The following PPP1R12B variants were observed in gnomAD, a reference collection of about 807,000 sequenced individuals.
The protein encoded by PPP1R12B is myosin phosphatase target subunit 2.
A neutral mutation model predicts 126.1 loss-of-function variants in PPP1R12B; 76 were observed. That is an observed-to-expected ratio of 0.60 (90% CI 0.50 to 0.73). The LOEUF (loss-of-function observed/expected upper bound fraction) is 0.73. Among genes scored for constraint, PPP1R12B ranks in the 30% least tolerant of loss-of-function variants. The probability of loss-of-function intolerance (pLI) is 0.00; values close to 1 mark genes in which losing one functional copy is unlikely to be tolerated. For synonymous variants in PPP1R12B, 356 were observed against 434.7 expected, an observed-to-expected ratio of 0.82 and a Z score of 2.25; for missense variants, 1,052 against 1,205.1, an observed-to-expected ratio of 0.87 and a Z score of 1.88.
intron 7 of PPP1R12B, among the ~76,000 whole-genome samples, 188 bp from the exon 8 acceptor site, chr1:202,431,292 C>T (rs1245264474): frequency 2.0e-5 from 3 of 152,124 alleles, no homozygotes; most frequent in African/African-American, 4.8e-5. Flanking sequence ...TTTCCTTGAG[C>T]CATACTCTGT....
At chr1:202,474,897 C>A (rs1676445344) in intron 13 of PPP1R12B, among the ~76,000 whole-genome samples, 1 of 152,028 alleles carries the variant, frequency 6.6e-6, no homozygotes, top group African/African-American at 2.4e-5. Flanking sequence ...AAGAAAGTAA[C>A]CTATGAAATA....
Position 202,452,190 on chromosome 1 carries a change from A to G in PPP1R12B, c.1850+3019A>G, listed in dbSNP as rs888264387. Among the ~76,000 whole-genome samples the G allele has an allele frequency of 5.3e-5, 8 of 152,282 alleles. No homozygotes were observed. In the South Asian group the frequency reaches 1.0e-3, roughly 20 times the overall value. On this transcript the variant is annotated intron_variant, in intron 13 of 23. Coordinates refer to ENST00000608999, the MANE Select transcript of PPP1R12B (RefSeq NM_002481.4). ...TGCAATCTCGGCACTTTGGGAGGCCAAGGCAGGCAGCTGGGAGGTGGAGGT... is the reference window on the plus strand; with the variant it reads ...TGCAATCTCGGCACTTTGGGAGGCCGAGGCAGGCAGCTGGGAGGTGGAGGT...
chr1:202,469,907 G>A (rs1050013658), intron 13 of PPP1R12B, among the ~76,000 whole-genome samples: 1 of 152,156 alleles, frequency 6.6e-6, no homozygotes. Context: ...CAAATTTTGT[G>A]TATACGTAAG....
At chr1:202,409,856 ATC>A (rs1239928308) in intron 1 of PPP1R12B, among the ~76,000 whole-genome samples, 2 of 152,028 alleles carry the variant, frequency 1.3e-5, no homozygotes, top group Non-Finnish European at 2.9e-5. Flanking sequence ...ATGAGGTGCT[ATC>A]TCATTGTAGT....
chr1:202,395,566 T>C (rs1012624801), intron 1 of PPP1R12B, among the ~76,000 whole-genome samples: 9 of 152,202 alleles, frequency 5.9e-5, no homozygotes, highest in Non-Finnish European at 8.8e-5. Context: ...TCCACAGTTA[T>C]ACCCACGACA....
At chr1:202,350,513 A>T (rs559701960) in intron 1 of PPP1R12B, among the ~76,000 whole-genome samples, 7 of 152,252 alleles carry the variant, frequency 4.6e-5, no homozygotes, top group Non-Finnish European at 7.3e-5. Context: ...ATCTCACTTA[A>T]TAAGGAGCTG....
intron 1 of PPP1R12B, among the ~76,000 whole-genome samples, chr1:202,412,722 A>C (rs1451708924): frequency 6.6e-6 from 1 of 152,182 alleles, no homozygotes; most frequent in Non-Finnish European, 1.5e-5. Context: ...TTTTTAGCAC[A>C]ACCTTTAAAA....
chr1:202,577,390 A>G (rs989665122), intron 23 of PPP1R12B: 4 of 152,230 alleles, frequency 2.6e-5, no homozygotes, highest in African/African-American at 9.6e-5. Flanking sequence ...TGTTATGTCT[A>G]TGGGTGCTTT....
intron 2 of PPP1R12B, among the ~76,000 whole-genome samples, chr1:202,417,824 T>G (rs1571916324): frequency 6.6e-6 from 1 of 152,350 alleles, no homozygotes; most frequent in East Asian, 1.9e-4. Flanking sequence ...GAGAATTTTG[T>G]TGGCAGCTGT....
rs1294488978 is a variant in PPP1R12B, at chr1:202,590,880, GA to G, written c.*10321del. ...CAGAAAGCAGCAAATCAAGTCCTTA[GA>G]TGGGCAGGAGTCAGGGCAGAAGGGT... On this transcript the variant is annotated 3_prime_UTR_variant, in exon 24 of 24. Coordinates refer to ENST00000608999, the MANE Select transcript of PPP1R12B (RefSeq NM_002481.4). The G allele has an allele frequency of 6.6e-6, 1 of 152,136 alleles. No homozygotes were observed. Among genetic ancestry groups the G allele is most frequent in the Admixed American group, 6.5e-5 (1 of 15,282 alleles). The allele number at this position is 152,136 out of a possible 1,614,324, so 9.4% of individuals were successfully genotyped here.
intron 1 of PPP1R12B, among the ~76,000 whole-genome samples, chr1:202,390,825 G>A (rs1274358314): frequency 6.6e-6 from 1 of 152,156 alleles, no homozygotes. Flanking sequence ...TGACACTATC[G>A]AGAAAGCAGG....
chr1:202,367,039 A>T (rs1659362156), intron 1 of PPP1R12B, among the ~76,000 whole-genome samples: 1 of 152,184 alleles, frequency 6.6e-6, no homozygotes, highest in African/African-American at 2.4e-5. Flanking sequence ...AACTATATGA[A>T]TTAAATATAA....
intron 21 of PPP1R12B, chr1:202,567,464 G>T: frequency 1.6e-5 from 4 of 253,268 alleles, no homozygotes; most frequent in Non-Finnish European, 2.3e-5. Context: ...ATGTAAAATT[G>T]TAATTAGCAT....
chr1:202,422,176 A>C (rs180950232), intron 2 of PPP1R12B, among the ~76,000 whole-genome samples: 14 of 152,298 alleles, frequency 9.2e-5, no homozygotes, highest in Admixed American at 9.2e-4. Context: ...TTTCATGTGG[A>C]TGTCTGGTTG....
At chr1:202,548,774 CTG>C (rs71142538) in intron 18 of PPP1R12B, among the ~76,000 whole-genome samples, 36,158 of 109,970 alleles carry the variant, frequency 0.33, 5,923 homozygotes, top group East Asian at 0.57. Flanking sequence ...CACTCGCTCG[CTG>C]TCTCTCTCTC....
intron 18 of PPP1R12B, among the ~76,000 whole-genome samples, chr1:202,520,021 A>T (rs1417646249): frequency 2.0e-5 from 3 of 152,170 alleles, no homozygotes; most frequent in Non-Finnish European, 4.4e-5. Flanking sequence ...GCATCTGGTG[A>T]TTCTTTCATT....
At chr1:202,545,340 A>G (rs1685539192) in intron 18 of PPP1R12B, among the ~76,000 whole-genome samples, 1 of 152,232 alleles carries the variant, frequency 6.6e-6, no homozygotes, top group South Asian at 2.1e-4. Flanking sequence ...AATTCTTAGT[A>G]GAGACTGGCC....
chr1:202,355,850 G>A (rs902560305), intron 1 of PPP1R12B, among the ~76,000 whole-genome samples: 10 of 152,152 alleles, frequency 6.6e-5, no homozygotes, highest in Non-Finnish European at 1.5e-4. Flanking sequence ...ATTAGACTGA[G>A]GTACTCTGAA....
intron 19 of PPP1R12B, among the ~76,000 whole-genome samples, chr1:202,562,186 C>T (rs921997471): frequency 1.4e-4 from 21 of 152,194 alleles, no homozygotes; most frequent in African/African-American, 5.1e-4. Context: ...ATTCTAATCA[C>T]AGGCACAGCA....
Sources: allele counts gnomAD v4.1 joint callset (sites outside exome capture counted in the v4.1 genomes callset), GRCh38; gene constraint gnomAD v4.1.1; transcripts MANE v1.5; gene names NCBI Gene and HGNC (gene_info 2026-07-23, HGNC 2026-07-21).